Variants in ACACB observed in about 807,000 individuals in gnomAD.
ACACB encodes acetyl-CoA carboxylase 2.
ACACB carries 209 observed loss-of-function variants against 278.8 expected under a neutral mutation model. The ratio of observed to expected loss-of-function variants is 0.75; its 90% CI spans 0.67 to 0.84. The LOEUF (loss-of-function observed/expected upper bound fraction) is 0.84, where lower values mean the gene tolerates loss of function less well. Ranked by LOEUF, ACACB falls within the 40% of genes least tolerant of loss-of-function variation. The probability of loss-of-function intolerance (pLI) is 0.00; values close to 1 mark genes in which losing one functional copy is unlikely to be tolerated. For missense variants in ACACB, 2,850 were observed against 3,269.0 expected (o/e 0.87, Z 3.13); for synonymous variants, 1,174 against 1,285.6 (o/e 0.91, Z 1.86).
At chr12:109,169,142 C>A (rs1312188539) in intron 4 of ACACB, among the ~76,000 whole-genome samples, 580 of 105,718 alleles carry the variant, frequency 5.5e-3, no homozygotes, top group Non-Finnish European at 6.2e-3. Context: ...GAGACTGTCT[C>A]AAAAAAAAAA....
intron 19 of ACACB, among the ~76,000 whole-genome samples, chr12:109,204,642 C>T (rs550423641): frequency 6.6e-6 from 1 of 152,044 alleles, no homozygotes; most frequent in African/African-American, 2.4e-5. Context: ...CCACTCCCAC[C>T]AGCCCCACTA....
Position 109,265,064 on chromosome 12 carries a change from G to A in ACACB, c.6943-46G>A, listed in dbSNP as rs369670400. ...TGGGTGTGGTCAGAGCCAGTGTCCC[G>A]TCTCCTCCTTCCCTTTCCGGGGATT... On this transcript the variant is annotated intron_variant, in intron 50 of 52. Transcript: ENST00000338432. 485 of 1,568,382 alleles carry A rather than the reference G, an allele frequency of 3.1e-4. 4 individuals are homozygous for A. In the South Asian group the frequency reaches 4.4e-3, roughly 14 times the overall value.
intron 18 of ACACB, 100 bp from the exon 19 acceptor site, chr12:109,201,467 T>C: frequency 7.0e-7 from 1 of 1,431,826 alleles, no homozygotes; most frequent in Non-Finnish European, 9.6e-7. Context: ...CGTCCCTGGG[T>C]AGTGTCCCGG....
intron 1 of ACACB, among the ~76,000 whole-genome samples, chr12:109,138,213 A>G (rs1265069235): frequency 2.0e-5 from 3 of 152,188 alleles, no homozygotes; most frequent in Non-Finnish European, 2.9e-5. Flanking sequence ...TCATTTTTAA[A>G]ACAAGATTTC....
At position 109,188,081 on chromosome 12, in the gene ACACB, C is replaced by G. The variant is rs1315104452; in HGVS notation, c.2063C>G (p.Ala688Gly). 7 of 1,613,716 alleles carry G rather than the reference C, an allele frequency of 4.3e-6. No individual in the cohort carries two copies. In the Admixed American group the frequency reaches 1.2e-4, roughly 27 times the overall value. ...KNVWGYFSVA[A>G]TGGLHEFADS... ...GTGTGGGGTTACTTCAGCGTGGCCG[C>G]TACTGGAGGCCTGCACGAGTTTGCG... The change falls in exon 13 of 53, where the codon GCT becomes GGT. Residue 688 changes from alanine (A) to glycine (G), a missense_variant. Coordinates refer to ENST00000338432, the MANE Select transcript of ACACB (RefSeq NM_001093.4).
chr12:109,168,309 C>T (rs1210313254), intron 4 of ACACB, among the ~76,000 whole-genome samples: 1 of 152,198 alleles, frequency 6.6e-6, no homozygotes, highest in Non-Finnish European at 1.5e-5. Context: ...GGCTGTTTCT[C>T]CTGCAGGTGT....
intron 19 of ACACB, among the ~76,000 whole-genome samples, chr12:109,206,422 G>A (rs549107367): frequency 2.2e-5 from 2 of 92,764 alleles, no homozygotes; most frequent in East Asian, 2.3e-4. Flanking sequence ...GACAATGCGA[G>A]TGTCTCAAAA....
chr12:109,163,806 T>C (rs1326598240), intron 2 of ACACB, among the ~76,000 whole-genome samples: 4 of 152,102 alleles, frequency 2.6e-5, no homozygotes, highest in Admixed American at 6.6e-5. Context: ...CACACCACCA[T>C]GCCCGGCTAA....
At chr12:109,123,212 G>A (rs11065621) in intron 1 of ACACB, among the ~76,000 whole-genome samples, 103 of 151,694 alleles carry the variant, frequency 6.8e-4, no homozygotes, top group African/African-American at 2.4e-3. Context: ...AAACATACAA[G>A]TTGAAAGAAT....
chr12:109,140,761 A>G (rs897154814), intron 2 of ACACB, among the ~76,000 whole-genome samples: 12 of 152,188 alleles, frequency 7.9e-5, no homozygotes, highest in African/African-American at 2.9e-4. Flanking sequence ...TAGTTGGGGA[A>G]GATGACCTTG....
chr12:109,239,320 A>G (rs1173672570), intron 34 of ACACB, among the ~76,000 whole-genome samples: 1 of 152,222 alleles, frequency 6.6e-6, no homozygotes, highest in Non-Finnish European at 1.5e-5. Flanking sequence ...CCCAAGAAGA[A>G]GGGGTTTTCC....
rs751664483 is a variant in ACACB, at chr12:109,235,616, C to T, written c.4415C>T (p.Pro1472Leu). The change falls in exon 33 of 53, where the codon CCC (proline) becomes CTC (leucine). Residue 1472 changes from proline to leucine, a missense_variant. By Grantham distance (98) the Pro-to-Leu change is moderately conservative (BLOSUM62 -3). Around this residue, in one of 3 missense-constraint regions of ACACB, gnomAD observed 2,265 missense variants for 2,561.3 expected, o/e 0.88. Transcript: ENST00000338432. ...GATTTCTTTTTGCAGAAAGAATTTCCCAAGTTTTTCACATTCAGAGCAAGA... is the reference window on the plus strand; with the variant it reads ...GATTTCTTTTTGCAGAAAGAATTTCTCAAGTTTTTCACATTCAGAGCAAGA... ...TFLIAQEKEF[P>L]KFFTFRARDE... 1 of 1,613,056 alleles carries T rather than the reference C, an allele frequency of 6.2e-7. No individual in the cohort carries two copies. Among genetic ancestry groups the T allele is most frequent in the Non-Finnish European group, 8.5e-7 (1 of 1,179,290 alleles).
intron 2 of ACACB, among the ~76,000 whole-genome samples, chr12:109,140,920 A>G (rs1160380276): frequency 2.1e-5 from 2 of 96,396 alleles, no homozygotes; most frequent in African/African-American, 6.7e-5. Flanking sequence ...TTTTTGAGAC[A>G]GGGTCTTACT....
chr12:109,157,377 G>C (rs984639488), intron 2 of ACACB, among the ~76,000 whole-genome samples: 2 of 151,884 alleles, frequency 1.3e-5, no homozygotes, highest in Non-Finnish European at 2.9e-5. Flanking sequence ...GGCTCAAGCA[G>C]TCCTCTCACC....
At chr12:109,241,046 C>T (rs369185739) in intron 35 of ACACB, 32 bp from the exon 36 acceptor site, 1 of 1,607,028 alleles carries the variant, frequency 6.2e-7, no homozygotes, top group South Asian at 1.1e-5. Flanking sequence ...ATGTCTTGGC[C>T]CTGAAACTGG....
chr12:109,221,507 C>G (rs764374021), intron 24 of ACACB, among the ~76,000 whole-genome samples: 4 of 152,206 alleles, frequency 2.6e-5, no homozygotes, highest in African/African-American at 7.2e-5. Context: ...AGCAGAAAGG[C>G]CCTTCTTTCA....
intron 48 of ACACB, 50 bp from the exon 49 acceptor site, chr12:109,262,307 T>G (rs1167286595): frequency 1.4e-6 from 2 of 1,480,556 alleles, no homozygotes; most frequent in Non-Finnish European, 1.9e-6. Flanking sequence ...TAGCCCTTGC[T>G]TGCTGGGCAA....
chr12:109,141,898 C>A (rs890333123), intron 2 of ACACB, among the ~76,000 whole-genome samples: 1 of 152,108 alleles, frequency 6.6e-6, no homozygotes, highest in East Asian at 1.9e-4. Flanking sequence ...TGACCTTGGG[C>A]ATGACCCTTC....
chr12:109,248,936 C>CCATCTCTCT lies in ACACB; in HGVS notation c.5670-1047_5670-1039dup, dbSNP rs536213227. On this transcript the variant is annotated intron_variant, in intron 40 of 52. Coordinates refer to ENST00000338432, the MANE Select transcript of ACACB (RefSeq NM_001093.4). ...GTGAATGGGTTTCCTCTGTGTACCC[C>CCATCTCTCT]CATCTCTCTGTAGACCGTTGGAGGA... 135 of 152,300 alleles carry CCATCTCTCT rather than the reference C, an allele frequency of 8.9e-4. 3 individuals are homozygous for CCATCTCTCT. The highest frequency in any genetic ancestry group is 3.2e-3 in the African/African-American group (131 of 41,564). 9.4% of individuals were successfully genotyped at this position (152,300 alleles called of 1,614,324 possible).
Sources: gnomAD v4.1 joint callset for allele counts (sites outside exome capture counted in the v4.1 genomes callset) on GRCh38, gnomAD v4.1.1 for gene constraint, gnomAD v4.1.1 regional missense constraint, MANE v1.5 for transcripts, NCBI Gene and HGNC (gene_info 2026-07-23, HGNC 2026-07-21) for gene names.